FRMD4A: variants seen among roughly 807,000 people sequenced by gnomAD.
FRMD4A encodes FERM domain-containing protein 4A.
A neutral mutation model predicts 129.1 loss-of-function variants in FRMD4A; 29 were observed. The ratio of observed to expected loss-of-function variants is 0.22; its 90% CI spans 0.17 to 0.31. FRMD4A has a LOEUF of 0.31. Ranked by LOEUF, FRMD4A falls within the 10% of genes least tolerant of loss-of-function variation. The probability of loss-of-function intolerance (pLI) is 1.00; values close to 1 mark genes in which losing one functional copy is unlikely to be tolerated. For missense variants in FRMD4A, 1,272 were observed against 1,375.8 expected (o/e 0.92, Z 1.19); for synonymous variants, 634 against 571.6 (o/e 1.11, Z -1.56).
intron 15 of FRMD4A, among the ~76,000 whole-genome samples, chr10:13,677,259 AAT>A (rs1270093641): frequency 6.6e-6 from 1 of 152,170 alleles, no homozygotes; most frequent in African/African-American, 2.4e-5. Context: ...TGAAATAGAG[AAT>A]ATATCTGTCA....
At chr10:13,672,442 A>C (rs940050768) in intron 16 of FRMD4A, among the ~76,000 whole-genome samples, 13 of 149,490 alleles carry the variant, frequency 8.7e-5, no homozygotes, top group Non-Finnish European at 1.9e-4. Context: ...TTTTTTTTTT[A>C]CTTAGAAAAT....
intron 2 of FRMD4A, among the ~76,000 whole-genome samples, chr10:13,917,811 T>C (rs1290908485): frequency 6.6e-6 from 1 of 152,178 alleles, no homozygotes; most frequent in Non-Finnish European, 1.5e-5. Context: ...TGAGCCACAG[T>C]TGGGCACTGG....
intron 15 of FRMD4A, among the ~76,000 whole-genome samples, chr10:13,680,664 T>G (rs1022416388): frequency 5.9e-5 from 9 of 151,916 alleles, no homozygotes; most frequent in Non-Finnish European, 1.2e-4. Context: ...AGGCGGAGGT[T>G]GCGGTGAGCT....
chr10:13,742,466 T>C (rs1433444363), intron 9 of FRMD4A, among the ~76,000 whole-genome samples: 3 of 152,216 alleles, frequency 2.0e-5, no homozygotes, highest in Non-Finnish European at 2.9e-5. Context: ...CAAAGCTCTG[T>C]GAGGGGAGCT....
intron 2 of FRMD4A, among the ~76,000 whole-genome samples, chr10:13,971,159 C>A (rs1468221341): frequency 6.6e-6 from 1 of 152,126 alleles, no homozygotes; most frequent in Non-Finnish European, 1.5e-5. Flanking sequence ...CATGCATACT[C>A]ACAGGCACAC....
At chr10:13,705,834 C>A (rs2087370240) in intron 13 of FRMD4A, among the ~76,000 whole-genome samples, 1 of 152,192 alleles carries the variant, frequency 6.6e-6, no homozygotes, top group African/African-American at 2.4e-5. Context: ...CTCAGCTGCT[C>A]TCCACTAACT....
intron 2 of FRMD4A, among the ~76,000 whole-genome samples, chr10:14,021,042 CGGGTAGCATTAGCT>C (rs1832722521): frequency 6.6e-6 from 1 of 152,046 alleles, no homozygotes; most frequent in Admixed American, 6.5e-5. Flanking sequence ...TCCTGTAAGC[CGGGTAGCATTAGCT>C]GCACTGTATT....
chr10:14,088,785 C>CAAAA (rs58056105), intron 2 of FRMD4A, among the ~76,000 whole-genome samples: 8,335 of 73,068 alleles, frequency 0.11, 714 homozygotes, highest in East Asian at 0.18. Flanking sequence ...GACTCTGTCT[C>CAAAA]AAAAAAAAAA....
intron 2 of FRMD4A, among the ~76,000 whole-genome samples, chr10:14,134,724 T>C (rs1375562132): frequency 6.6e-6 from 1 of 151,706 alleles, no homozygotes; most frequent in African/African-American, 2.4e-5. Flanking sequence ...GATGGATGGG[T>C]GGATAAGTGG....
intron 2 of FRMD4A, among the ~76,000 whole-genome samples, chr10:14,039,408 A>T (rs907796726): frequency 3.7e-5 from 4 of 107,454 alleles, no homozygotes; most frequent in Non-Finnish European, 7.9e-5. Flanking sequence ...CCATCCATCC[A>T]TCTATCTATC....
chr10:13,829,238 C>G lies in FRMD4A; in HGVS notation c.112-18330G>C, dbSNP rs145512225. Among the ~76,000 whole-genome samples the G allele has an allele frequency of 4.4e-3, 672 of 152,276 alleles. 5 individuals carry two copies. The highest frequency in any genetic ancestry group is 0.015 in the African/African-American group (637 of 41,560). The stretch of plus-strand genomic sequence containing the variant: ...ATTGATAAACAAAACGAAAAACATT[C>G]TTCCGGCAGGGCATGGTGGCTCACA... On this transcript the variant is annotated intron_variant, in intron 3 of 24. Coordinates refer to ENST00000357447, the MANE Select transcript of FRMD4A (RefSeq NM_018027.5).
In FRMD4A at chr10:13,657,279, C is replaced by T; in HGVS notation, c.2310G>A (p.Thr770=). ...YPAQMNANYS[T]LAEDSPSKAR... ...CCTTGGACGGCGAGTCCTCGGCCAG[C>T]GTGGAGTAGTTGGCGTTCATCTGCG... Residue 770 remains threonine, a synonymous_variant, in exon 22 of 25, where the codon ACG becomes ACA. Coordinates refer to ENST00000357447, the MANE Select transcript of FRMD4A (RefSeq NM_018027.5). The T allele has an allele frequency of 6.2e-7, 1 of 1,606,286 alleles. No individual in the cohort carries two copies. The highest frequency in any genetic ancestry group is 8.5e-7 in the Non-Finnish European group (1 of 1,178,448).
At chr10:14,132,146 C>T (rs1016939887) in intron 2 of FRMD4A, among the ~76,000 whole-genome samples, 6 of 151,984 alleles carry the variant, frequency 3.9e-5, no homozygotes, top group African/African-American at 4.8e-5. Context: ...ATTAGCTGGG[C>T]GTGGTGGCAC....
intron 15 of FRMD4A, among the ~76,000 whole-genome samples, chr10:13,677,083 TA>T (rs2084070957): frequency 6.6e-6 from 1 of 152,216 alleles, no homozygotes; most frequent in African/African-American, 2.4e-5. Context: ...ATTGTCCCCA[TA>T]AATATACTAT....
chr10:14,003,413 A>C (rs1218508638), intron 2 of FRMD4A: 3 of 152,354 alleles, frequency 2.0e-5, no homozygotes, highest in Non-Finnish European at 4.4e-5. Flanking sequence ...TCAAGAGAAC[A>C]GTGATGTCCA....
intron 2 of FRMD4A, among the ~76,000 whole-genome samples, chr10:14,291,850 ACT>A (rs1370976441): frequency 1.3e-5 from 2 of 151,868 alleles, no homozygotes; most frequent in African/African-American, 4.8e-5. Context: ...TTAATATAAA[ACT>A]CAAAAGAATT....
intron 13 of FRMD4A, among the ~76,000 whole-genome samples, chr10:13,704,809 G>A (rs1221259943): frequency 4.0e-5 from 6 of 151,852 alleles, no homozygotes; most frequent in Non-Finnish European, 8.8e-5. Context: ...AGTGGCTCAC[G>A]CCTGTAATCC....
intron 2 of FRMD4A, among the ~76,000 whole-genome samples, chr10:14,236,015 G>A (rs1843800138): frequency 6.6e-6 from 1 of 152,206 alleles, no homozygotes; most frequent in Non-Finnish European, 1.5e-5. Context: ...GGCAGGTCCT[G>A]GAAGAAGGTG....
chr10:14,211,071 A>T (rs1228077663), intron 2 of FRMD4A, among the ~76,000 whole-genome samples: 4 of 152,178 alleles, frequency 2.6e-5, no homozygotes, highest in African/African-American at 9.7e-5. Flanking sequence ...GGGAAAGAAA[A>T]TGAAATTTTT....
Sources: allele counts gnomAD v4.1 joint callset (sites outside exome capture counted in the v4.1 genomes callset), GRCh38; gene constraint gnomAD v4.1.1; transcripts MANE v1.5; gene names NCBI Gene and HGNC (gene_info 2026-07-23, HGNC 2026-07-21).